HACD2: variants seen among roughly 807,000 people sequenced by gnomAD.
HACD2 encodes the protein 3-hydroxyacyl-CoA dehydratase 2.
Under a neutral mutation model 31.0 loss-of-function variants are expected in HACD2, and 15 were observed. The observed-to-expected ratio is 0.48, with a 90% CI of 0.32 to 0.75. HACD2 has a LOEUF of 0.75. Among genes scored for constraint, HACD2 ranks in the 30% least tolerant of loss-of-function variants. The pLI, the probability that HACD2 is intolerant of heterozygous loss-of-function variation, is 0.03. For missense variants in HACD2, 283 were observed against 313.0 expected, an observed-to-expected ratio of 0.90 and a Z score of 0.72; for synonymous variants, 115 against 122.2, an observed-to-expected ratio of 0.94 and a Z score of 0.39.
chr3:123,549,669 G>T (rs1161891519), intron 3 of HACD2, among the ~76,000 whole-genome samples: 1 of 152,108 alleles, frequency 6.6e-6, no homozygotes, highest in Non-Finnish European at 1.5e-5. Context: ...GATTGCTTGA[G>T]CCTGGGAAGT....
At chr3:123,564,544 C>T (rs998581546) in intron 3 of HACD2, among the ~76,000 whole-genome samples, 5 of 152,104 alleles carry the variant, frequency 3.3e-5, no homozygotes, top group African/African-American at 4.8e-5. Context: ...CAACAGTGTC[C>T]TTAGAATCCA....
At chr3:123,542,600 CAAAGACT>C (rs2056506932) in intron 3 of HACD2, among the ~76,000 whole-genome samples, 1 of 152,152 alleles carries the variant, frequency 6.6e-6, no homozygotes, top group Non-Finnish European at 1.5e-5. Context: ...CGGCATAAGC[CAAAGACT>C]AAAGAGTGTA....
chr3:123,502,596 A>C lies in HACD2; in HGVS notation c.467T>G (p.Leu156Arg). ...IIRYSFYTFS[L>R]LNHLPYLIKW... Reference sequence around the variant, plus strand: ...GATGAGGTAAGGCAGATGGTTTAATAGACTGAATGTATAAAAGGAGTAACG... The same window carrying C: ...GATGAGGTAAGGCAGATGGTTTAATCGACTGAATGTATAAAAGGAGTAACG... Residue 156 changes from leucine (L) to arginine (R), a missense_variant, in exon 5 of 7, where the codon CTA becomes CGA. Physicochemically the swap from Leu to Arg is moderately radical, Grantham distance 102. Transcript: ENST00000383657. 1.2e-6 allele frequency: 2 copies of C among 1,611,496 alleles called. No homozygotes were observed. Among genetic ancestry groups the C allele is most frequent in the Non-Finnish European group, 1.7e-6 (2 of 1,178,826 alleles).
intron 4 of HACD2, among the ~76,000 whole-genome samples, chr3:123,505,148 A>T (rs2055958408): frequency 6.6e-6 from 1 of 152,200 alleles, no homozygotes; most frequent in African/African-American, 2.4e-5. Context: ...TGCTAAGTAA[A>T]ATAAGCCAGT....
intron 3 of HACD2, among the ~76,000 whole-genome samples, chr3:123,529,353 C>G (rs926918116): frequency 6.6e-6 from 1 of 152,134 alleles, no homozygotes; most frequent in African/African-American, 2.4e-5. Context: ...CCGCCTGCCT[C>G]GGCTTCCCAA....
Position 123,556,006 on chromosome 3 carries a change from A to C in HACD2, c.292+11756T>G, listed in dbSNP as rs138939004. Among the ~76,000 whole-genome samples, 84 of 152,330 alleles carry C rather than the reference A, an allele frequency of 5.5e-4. 3 individuals carry two copies. The East Asian group carries it at 0.016, about 29-fold the overall frequency. On this transcript the variant is annotated intron_variant, in intron 3 of 6. Transcript: ENST00000383657. ...CTGGATGACTATATGTAAAAAAATA[A>C]ATAAATAAAACTAGACACAGACCTG...
chr3:123,493,876 G>A lies in HACD2; in HGVS notation c.*1012C>T, dbSNP rs1408835221. On this transcript the variant is annotated 3_prime_UTR_variant, in exon 7 of 7. Coordinates refer to ENST00000383657, the MANE Select transcript of HACD2 (RefSeq NM_198402.5). ...AATTAGCAAAAGTATCCAAACAGAA[G>A]AGTGAATGAAAATTTAAAAATAAAA... is the stretch of plus-strand genomic sequence containing the variant. 1 of 152,196 alleles carries A rather than the reference G, an allele frequency of 6.6e-6. No individual in the cohort carries two copies. The highest frequency in any genetic ancestry group is 1.5e-5 in the Non-Finnish European group (1 of 68,044). The allele number at this position is 152,196 out of a possible 1,614,324, so 9.4% of individuals were successfully genotyped here.
rs7613130 is a variant in HACD2, at chr3:123,493,196, T to C, written c.*1692A>G. The C allele has an allele frequency of 0.56, 84,290 of 151,824 alleles. 25,714 individuals carry two copies. Among genetic ancestry groups the C allele is most frequent in the Non-Finnish European group, 0.69 (46,706 of 67,968 alleles). The allele number at this position is 151,824 out of a possible 1,614,324, so 9.4% of individuals were successfully genotyped here. On this transcript the variant is annotated 3_prime_UTR_variant, in exon 7 of 7. Coordinates refer to ENST00000383657, the MANE Select transcript of HACD2 (RefSeq NM_198402.5). ...GGTGAAACCCCGTCTCTACTAAAAA[T>C]ACAAAAAAAATTAGCTGGGTGTGGT...
intron 3 of HACD2, among the ~76,000 whole-genome samples, chr3:123,552,637 C>T (rs1205521250): frequency 6.6e-6 from 1 of 152,086 alleles, no homozygotes; most frequent in African/African-American, 2.4e-5. Context: ...ACAAAGGAAA[C>T]TTTAACACAA....
intron 4 of HACD2, among the ~76,000 whole-genome samples, chr3:123,519,959 A>G (rs1489508369): frequency 6.6e-6 from 1 of 152,236 alleles, no homozygotes; most frequent in Non-Finnish European, 1.5e-5. Flanking sequence ...CAGTGGGATA[A>G]TAACGCTGAC....
At chr3:123,553,709 C>T (rs1208426143) in intron 3 of HACD2, among the ~76,000 whole-genome samples, 1 of 152,206 alleles carries the variant, frequency 6.6e-6, no homozygotes, top group East Asian at 1.9e-4. Flanking sequence ...TCTAGACGCA[C>T]ATGTGTCATC....
Position 123,540,081 on chromosome 3 carries a change from C to CT in HACD2, c.293-11608dup, listed in dbSNP as rs1157234818. Among the ~76,000 whole-genome samples, 139 of 141,516 alleles carry CT rather than the reference C, an allele frequency of 9.8e-4. 2 individuals are homozygous for CT. The highest frequency in any genetic ancestry group is 3.6e-3 in the African/African-American group (137 of 37,902). The allele number at this position is 141,516 out of a possible 152,430, so 92.8% of individuals were successfully genotyped here. A position where few individuals can be genotyped will look rare whatever the true frequency, so the allele number is the denominator to read the frequency against. ...CCTAGGGGACGGAGTGAGACCCTGTCTAAAAAAAAAAAAAAAGAAAAGAAA... is the reference window on the plus strand; with the variant it reads ...CCTAGGGGACGGAGTGAGACCCTGTCTTAAAAAAAAAAAAAAAGAAAAGAAA... On this transcript the variant is annotated intron_variant, in intron 3 of 6. Transcript: ENST00000383657.
chr3:123,533,321 G>A (rs566196325), intron 3 of HACD2, among the ~76,000 whole-genome samples: 4 of 152,270 alleles, frequency 2.6e-5, no homozygotes, highest in Admixed American at 6.5e-5. Flanking sequence ...GCTAATTTTT[G>A]TATTTTTAGC....
chr3:123,536,516 G>A (rs977662181), intron 3 of HACD2, among the ~76,000 whole-genome samples: 4 of 152,194 alleles, frequency 2.6e-5, no homozygotes, highest in Admixed American at 6.5e-5. Context: ...TATGGAAAAC[G>A]AAGACAACCC....
At chr3:123,584,804 C>A in intron 1 of HACD2, 69 bp downstream of exon 1, 1 of 1,285,338 alleles carries the variant, frequency 7.8e-7, no homozygotes, top group Non-Finnish European at 1.0e-6. Context: ...TCCTATCCGC[C>A]CCGCCGCTGG....
At chr3:123,560,832 G>A (rs985086205) in intron 3 of HACD2, among the ~76,000 whole-genome samples, 1 of 152,116 alleles carries the variant, frequency 6.6e-6, no homozygotes, top group African/African-American at 2.4e-5. Context: ...TCAGCTAAGT[G>A]GAAACAATGC....
At chr3:123,505,375 T>A (rs1255362164) in intron 4 of HACD2, among the ~76,000 whole-genome samples, 1 of 152,202 alleles carries the variant, frequency 6.6e-6, no homozygotes, top group Non-Finnish European at 1.5e-5. Context: ...TTTATGCAAC[T>A]GAACTATACA....
intron 2 of HACD2, among the ~76,000 whole-genome samples, chr3:123,572,576 C>A (rs186919293): frequency 2.2e-4 from 33 of 152,278 alleles, no homozygotes; most frequent in Non-Finnish European, 2.2e-4. Context: ...TTTCCACTGG[C>A]AATAAACTGA....
chr3:123,551,870 G>A (rs2056624164), intron 3 of HACD2, among the ~76,000 whole-genome samples: 1 of 152,090 alleles, frequency 6.6e-6, no homozygotes, highest in Admixed American at 6.5e-5. Flanking sequence ...TATCTATATA[G>A]CTGAATATTA....
Sources: gnomAD v4.1 joint callset for allele counts (sites outside exome capture counted in the v4.1 genomes callset) on GRCh38, gnomAD v4.1.1 for gene constraint, MANE v1.5 for transcripts, NCBI Gene and HGNC (gene_info 2026-07-23, HGNC 2026-07-21) for gene names.